The following OCLN variants were observed in gnomAD, a reference collection of about 807,000 sequenced individuals.
OCLN encodes occludin.
In OCLN, 21 loss-of-function variants were observed where a neutral mutation model predicts 47.9. The ratio of observed to expected loss-of-function variants is 0.44; its 90% CI spans 0.31 to 0.63. OCLN has a LOEUF of 0.63. Ranked by LOEUF, OCLN falls within the 30% of genes least tolerant of loss-of-function variation. OCLN has a pLI of 0.08. For synonymous variants in OCLN, 117 were observed against 198.4 expected (o/e 0.59, Z 3.45); for missense variants, 360 against 571.0 (o/e 0.63, Z 3.77).
rs865864670 is a variant in OCLN at position 69,502,730 on chromosome 5, A to C, written c.-68-1447A>C. On this transcript the variant is annotated intron_variant, in intron 1 of 8. Transcript: ENST00000396442. ...CACTGGGTTTTCTAGAATAATCCTC[A>C]AGCTTTATAGGTTAGGGGGTTGTGT... 3.9e-5 allele frequency among the ~76,000 whole-genome samples: 6 copies of C among 152,086 alleles called. No individual in the cohort carries two copies. The South Asian group carries it at 1.0e-3, about 26-fold the overall frequency.
chr5:69,512,071 T>G (rs547453549), intron 3 of OCLN, among the ~76,000 whole-genome samples: 1 of 152,114 alleles, frequency 6.6e-6, no homozygotes, highest in South Asian at 2.1e-4. Flanking sequence ...ATGTCCAGTT[T>G]ATTTAATTTT....
chr5:69,529,168 C>A (rs1240859470), intron 4 of OCLN, among the ~76,000 whole-genome samples: 2 of 152,006 alleles, frequency 1.3e-5, no homozygotes, highest in Admixed American at 1.3e-4. Context: ...TGGTGTAGAC[C>A]CATCTTACTC....
chr5:69,517,284 G>A (rs1009789543), intron 4 of OCLN, among the ~76,000 whole-genome samples: 11 of 144,450 alleles, frequency 7.6e-5, no homozygotes, highest in Non-Finnish European at 1.4e-4. Context: ...CAGGTCTGGG[G>A]TAAAGACATT....
At chr5:69,494,137 G>A (rs1324875878) in intron 1 of OCLN, among the ~76,000 whole-genome samples, 1 of 152,164 alleles carries the variant, frequency 6.6e-6, no homozygotes, top group Non-Finnish European at 1.5e-5. Context: ...GCGTTCCCAA[G>A]TGTAACAATA....
chr5:69,529,611 G>GT (rs1195093134), intron 4 of OCLN, among the ~76,000 whole-genome samples: 1 of 151,806 alleles, frequency 6.6e-6, no homozygotes, highest in Non-Finnish European at 1.5e-5. Context: ...TTACTTTGTT[G>GT]TTTTTTTCTT....
At chr5:69,503,472 G>A (rs570357234) in intron 1 of OCLN, among the ~76,000 whole-genome samples, 12 of 152,230 alleles carry the variant, frequency 7.9e-5, no homozygotes, top group African/African-American at 2.9e-4. Flanking sequence ...AGCCACCTGT[G>A]TTATCAGCAC....
rs571000746 is a variant in OCLN, at chr5:69,546,488, A to AT, written c.1253+1376dup. 2.0e-3 allele frequency among the ~76,000 whole-genome samples: 281 copies of AT among 141,606 alleles called. 17 individuals carry two copies. Among genetic ancestry groups the AT allele is most frequent in the African/African-American group, 7.3e-3 (262 of 35,760 alleles). 92.9% of individuals were successfully genotyped at this position (141,606 alleles called of 152,430 possible). On this transcript the variant is annotated intron_variant, in intron 6 of 8. Coordinates refer to ENST00000396442, the MANE Select transcript of OCLN (RefSeq NM_001205254.2). The stretch of plus-strand genomic sequence containing the variant: ...GAAGATTTAACTGAAAACTTTATAT[A>AT]TTTTTTTGAGATAGAGTCTCACTCT...
intron 7 of OCLN, among the ~76,000 whole-genome samples, chr5:69,549,868 T>C (rs1769815221): frequency 6.6e-6 from 1 of 151,500 alleles, no homozygotes; most frequent in South Asian, 2.1e-4. Context: ...GAACTTTCAG[T>C]TGCTTCCCGT....
intron 3 of OCLN, among the ~76,000 whole-genome samples, chr5:69,512,395 G>T (rs573812122): frequency 6.6e-6 from 1 of 152,324 alleles, no homozygotes; most frequent in East Asian, 1.9e-4. Flanking sequence ...TGGGCTCTCA[G>T]TTCAGCTGCA....
In OCLN at chr5:69,509,744, A is replaced by G. The variant is rs1382120974; in HGVS notation, c.654A>G (p.Gln218=). The change falls in exon 3 of 9, where the codon CAA becomes CAG. Residue 218 remains glutamine, a synonymous_variant. Transcript: ENST00000396442. ...CACAAATATATGCCCTCTGCAACCA[A>G]TTTTATACACCTGCAGCTACTGGAC... ...YGSQIYALCN[Q]FYTPAATGLY... 2.3e-5 allele frequency: 37 copies of G among 1,613,950 alleles called. No homozygotes were observed. The highest frequency in any genetic ancestry group is 2.9e-5 in the Non-Finnish European group (34 of 1,180,002).
At chr5:69,496,545 T>C (rs905039006) in intron 1 of OCLN, among the ~76,000 whole-genome samples, 26 of 151,356 alleles carry the variant, frequency 1.7e-4, no homozygotes, top group Non-Finnish European at 2.5e-4. Flanking sequence ...TTCAGACTAT[T>C]TTTTCTTTTT....
At chr5:69,507,752 C>T (rs1407314071) in intron 2 of OCLN, among the ~76,000 whole-genome samples, 1 of 151,628 alleles carries the variant, frequency 6.6e-6, no homozygotes, top group Admixed American at 6.6e-5. Context: ...ATTACAAGCA[C>T]ACACCACCAC....
chr5:69,534,603 T>A, intron 4 of OCLN, 91 bp from the exon 5 acceptor site: 1 of 400,436 alleles, frequency 2.5e-6, no homozygotes, highest in South Asian at 2.3e-5. Context: ...GCCACATAAA[T>A]ATTAGATAAT....
At chr5:69,494,044 T>C (rs1470288462) in intron 1 of OCLN, among the ~76,000 whole-genome samples, 1 of 152,220 alleles carries the variant, frequency 6.6e-6, no homozygotes, top group Non-Finnish European at 1.5e-5. Flanking sequence ...AGGTGTATTA[T>C]TGGGATACCT....
Position 69,510,490 on chromosome 5 carries a change from G to A in OCLN, c.729+671G>A, listed in dbSNP as rs368688400. Among the ~76,000 whole-genome samples the A allele has an allele frequency of 2.4e-4, 37 of 152,084 alleles. 1 individual carries two copies. The East Asian group carries it at 6.2e-3, about 25-fold the overall frequency. ...AGGTCAGGAGATTGTGACCATCCTCGCTAATAAGGTGAAACCCCGTCTCTA... is the reference window on the plus strand; with the variant it reads ...AGGTCAGGAGATTGTGACCATCCTCACTAATAAGGTGAAACCCCGTCTCTA... On this transcript the variant is annotated intron_variant, in intron 3 of 8. Coordinates refer to ENST00000396442, the MANE Select transcript of OCLN (RefSeq NM_001205254.2).
At chr5:69,512,026 A>AG (rs1768802374) in intron 3 of OCLN, among the ~76,000 whole-genome samples, 1 of 40,992 alleles carries the variant, frequency 2.4e-5, no homozygotes, top group Non-Finnish European at 5.6e-5. Context: ...TCTGTCTCAA[A>AG]AAAAAAAAAA....
In OCLN at chr5:69,493,275, C is replaced by T. The variant is rs1768193719; in HGVS notation, c.-69+375C>T. 6.6e-6 allele frequency among the ~76,000 whole-genome samples: 1 copy of T among 151,936 alleles called. No homozygotes were observed. Among genetic ancestry groups the T allele is most frequent in the Non-Finnish European group, 1.5e-5 (1 of 67,972 alleles). ...CTGGGGCTGCAGTTTGGGGGGGCGG[C>T]CTTCATGGAGAGGGATCCTGCGCCC... On this transcript the variant is annotated intron_variant, in intron 1 of 8. Coordinates refer to ENST00000396442, the MANE Select transcript of OCLN (RefSeq NM_001205254.2). The surrounding 1 kb of genome is among the most constrained non-coding windows in gnomAD (Gnocchi z 5.3).
chr5:69,509,658 A>C lies in OCLN; in HGVS notation c.568A>C (p.Thr190Pro). ...AILGIMVFIA[T>P]IVYIMGVNPT... ...CCTGGGCATCATGGTGTTTATTGCC[A>C]CAATTGTCTATATAATGGGAGTGAA... The change falls in exon 3 of 9, where the codon ACA becomes CCA. Residue 190 changes from threonine to proline, a missense_variant. Physicochemically the swap from Thr to Pro is conservative, Grantham distance 38. Coordinates refer to ENST00000396442, the MANE Select transcript of OCLN (RefSeq NM_001205254.2). 6.2e-7 allele frequency: 1 copy of C among 1,614,192 alleles called. No homozygotes were observed. Among genetic ancestry groups the C allele is most frequent in the Non-Finnish European group, 8.5e-7 (1 of 1,180,036 alleles).
chr5:69,496,531 C>T (rs1478350101), intron 1 of OCLN, among the ~76,000 whole-genome samples: 4 of 148,068 alleles, frequency 2.7e-5, no homozygotes, highest in African/African-American at 1.0e-4. Context: ...GAGGCCAAAG[C>T]ATTTTCAGAC....
Sources: gnomAD v4.1 joint callset for allele counts (sites outside exome capture counted in the v4.1 genomes callset) on GRCh38, gnomAD v4.1.1 for gene constraint, Gnocchi (gnomAD v3.1) non-coding constraint, MANE v1.5 for transcripts, NCBI Gene and HGNC (gene_info 2026-07-23, HGNC 2026-07-21) for gene names.